The following RAI1 variants were observed in gnomAD, a reference collection of about 807,000 sequenced individuals.
The protein encoded by RAI1 is retinoic acid induced 1, also known as retinoic acid-induced protein 1.
A neutral mutation model predicts 123.8 loss-of-function variants in RAI1; 9 were observed. The observed-to-expected ratio is 0.07, with a 90% CI of 0.04 to 0.13. The LOEUF (loss-of-function observed/expected upper bound fraction) is 0.13, where lower values mean the gene tolerates loss of function less well. Among genes scored for constraint, RAI1 ranks in the 10% least tolerant of loss-of-function variants. The pLI, the probability that RAI1 is intolerant of heterozygous loss-of-function variation, is 1.00. For synonymous variants in RAI1, 1,231 were observed against 1,127.3 expected, an observed-to-expected ratio of 1.09 and a Z score of -1.84; for missense variants, 2,256 against 2,545.8, an observed-to-expected ratio of 0.89 and a Z score of 2.45.
At chr17:17,803,447 C>T (rs1232716871) in intron 3 of RAI1, among the ~76,000 whole-genome samples, 1 of 151,976 alleles carries the variant, frequency 6.6e-6, no homozygotes, top group Admixed American at 6.6e-5. Context: ...GGCTGGAGTA[C>T]AGGCAGTGGC....
intron 2 of RAI1, among the ~76,000 whole-genome samples, chr17:17,727,315 C>T (rs143450387): frequency 3.9e-4 from 59 of 152,360 alleles, no homozygotes; most frequent in African/African-American, 1.4e-3. Flanking sequence ...CCCAAGGTCA[C>T]ACAGCAGTTG....
At position 17,803,386 on chromosome 17, in the gene RAI1, T is replaced by TTTTG. The variant is rs142704630; in HGVS notation, c.5566-350_5566-347dup. ...AGCCTGTACAGGTTTTTTGTGTTTT[T>TTTTG]TTTGTTTGTTTGTTTGTTTGTTTTT... On this transcript the variant is annotated intron_variant, in intron 3 of 5. Coordinates refer to ENST00000353383, the MANE Select transcript of RAI1 (RefSeq NM_030665.4). Among the ~76,000 whole-genome samples the TTTTG allele has an allele frequency of 3.4e-4, 51 of 152,070 alleles. No homozygotes were observed. The East Asian group carries it at 5.8e-3, about 17-fold the overall frequency.
At chr17:17,802,406 C>A (rs2032492019) in intron 3 of RAI1, among the ~76,000 whole-genome samples, 1 of 152,224 alleles carries the variant, frequency 6.6e-6, no homozygotes, top group East Asian at 1.9e-4. Flanking sequence ...AATGCCTTCA[C>A]TGTTGCCTGG....
intron 2 of RAI1, among the ~76,000 whole-genome samples, chr17:17,751,228 C>G (rs941448): frequency 0.6 from 91,869 of 151,978 alleles, 28,834 homozygotes; most frequent in Non-Finnish European, 0.67. Context: ...AGGTAGCCCA[C>G]GCTTCCCGAG....
chr17:17,706,101 C>T (rs552058469), intron 1 of RAI1, among the ~76,000 whole-genome samples: 3 of 151,310 alleles, frequency 2.0e-5, no homozygotes, highest in Admixed American at 6.6e-5. Context: ...CCTGAGGTAG[C>T]GCACAGGCCA....
At position 17,797,071 on chromosome 17, in the gene RAI1, C is replaced by T. The variant is rs996060913; in HGVS notation, c.4123C>T (p.Pro1375Ser). 6.2e-7 allele frequency: 1 copy of T among 1,613,796 alleles called. No individual in the cohort carries two copies. The highest frequency in any genetic ancestry group is 8.5e-7 in the Non-Finnish European group (1 of 1,180,046). The part of the protein sequence containing the change: ...DRGLKGAGGS[P>S]VGVEEGLVNV... ...TGGGCTCAAGGGTGCTGGGGGCAGC[C>T]CAGTGGGGGTGGAAGAAGGCCTGGT... The change falls in exon 3 of 6, where the codon CCA (proline) becomes TCA (serine). Residue 1375 changes from proline to serine, a missense_variant. By Grantham distance (74) the Pro-to-Ser change is moderately conservative (BLOSUM62 -1). Around this residue, in one of 7 missense-constraint regions of RAI1, gnomAD observed 322 missense variants for 358.0 expected, o/e 0.90. Coordinates refer to ENST00000353383, the MANE Select transcript of RAI1 (RefSeq NM_030665.4).
At chr17:17,772,745 G>A (rs1006140233) in intron 2 of RAI1, among the ~76,000 whole-genome samples, 6 of 152,150 alleles carry the variant, frequency 3.9e-5, no homozygotes, top group South Asian at 2.1e-4. Context: ...CAGGTATGAC[G>A]TAGGGCCCTT....
chr17:17,794,790 G>A lies in RAI1; in HGVS notation c.1842G>A (p.Leu614=). Residue 614 remains leucine, a synonymous_variant, in exon 3 of 6, where the codon CTG becomes CTA. Coordinates refer to ENST00000353383, the MANE Select transcript of RAI1 (RefSeq NM_030665.4). ...ACCTGGCCTCCGAGATCCTGGGGCT[G>A]CAGGAAGCCATCGGTGAGAAGGCCG... ...QEDLASEILG[L]QEAIGEKADK... 3 of 1,613,106 alleles carry A rather than the reference G, an allele frequency of 1.9e-6. No individual in the cohort carries two copies. The highest frequency in any genetic ancestry group is 2.5e-6 in the Non-Finnish European group (3 of 1,179,998).
chr17:17,724,168 G>A lies in RAI1; in HGVS notation c.-17+9G>A, dbSNP rs541881677. 1 of 151,910 alleles carries A rather than the reference G, an allele frequency of 6.6e-6. No homozygotes were observed. Among genetic ancestry groups the A allele is most frequent in the East Asian group, 2.0e-4 (1 of 4,974 alleles). 9.4% of individuals were successfully genotyped at this position (151,910 alleles called of 1,614,324 possible). On this transcript the variant is annotated intron_variant, in intron 2 of 5. Coordinates refer to ENST00000353383, the MANE Select transcript of RAI1 (RefSeq NM_030665.4). ...CCAGGAGGAGCCCGCAGGTATTGTT[G>A]GCGGCGGAGCTTTGTGTTTTCGGCG... is the stretch of plus-strand genomic sequence containing the variant.
rs1219888655 is a variant in RAI1 at position 17,724,064 on chromosome 17, A to T, written c.-112A>T. 3.6e-5 allele frequency: 5 copies of T among 139,618 alleles called. No homozygotes were observed. Among genetic ancestry groups the T allele is most frequent in the Non-Finnish European group, 4.7e-5 (3 of 63,942 alleles). The allele number at this position is 139,618 out of a possible 1,614,324, so 8.6% of individuals were successfully genotyped here. A position where few individuals can be genotyped will look rare whatever the true frequency, so the allele number is the denominator to read the frequency against. The stretch of plus-strand genomic sequence containing the variant: ...GCCACCGCGTTCTGGAAGAGGCGAG[A>T]GGGAGAGCGTGCGCGAGAGGAGAGA... On this transcript the variant is annotated 5_prime_UTR_variant, in exon 2 of 6. Coordinates refer to ENST00000353383, the MANE Select transcript of RAI1 (RefSeq NM_030665.4).
At chr17:17,735,365 T>C (rs1916398982) in intron 2 of RAI1, among the ~76,000 whole-genome samples, 1 of 150,882 alleles carries the variant, frequency 6.6e-6, no homozygotes, top group African/African-American at 2.4e-5. Flanking sequence ...TTTTTTTTTT[T>C]TTTTTGAGAC....
At chr17:17,778,823 G>A in intron 2 of RAI1, 1 of 456,792 alleles carries the variant, frequency 2.2e-6, no homozygotes, top group Non-Finnish European at 4.4e-6. Flanking sequence ...TGTACAGCTG[G>A]AAGAGGCTCT....
chr17:17,802,820 A>G (rs1404729940), intron 3 of RAI1, among the ~76,000 whole-genome samples: 1 of 152,038 alleles, frequency 6.6e-6, no homozygotes, highest in Non-Finnish European at 1.5e-5. Flanking sequence ...GCTATGTCTT[A>G]CACCTGTAAT....
chr17:17,684,358 T>G (rs1009845513), intron 1 of RAI1: 4 of 149,068 alleles, frequency 2.7e-5, no homozygotes, highest in African/African-American at 9.9e-5. Context: ...TGTGTATTTG[T>G]TTTTTTTTTA....
intron 1 of RAI1, among the ~76,000 whole-genome samples, chr17:17,719,035 T>C (rs1233544328): frequency 6.6e-6 from 1 of 152,174 alleles, no homozygotes; most frequent in Non-Finnish European, 1.5e-5. Flanking sequence ...CCTGCCTTCA[T>C]AATAAATCCA....
At chr17:17,761,383 G>T (rs1010423475) in intron 2 of RAI1, among the ~76,000 whole-genome samples, 1 of 152,058 alleles carries the variant, frequency 6.6e-6, no homozygotes, top group East Asian at 1.9e-4. Context: ...ACCAGCCCAC[G>T]TCATTAGCTT....
intron 2 of RAI1, among the ~76,000 whole-genome samples, chr17:17,765,323 T>C (rs1358951166): frequency 6.6e-6 from 1 of 152,162 alleles, no homozygotes; most frequent in Non-Finnish European, 1.5e-5. Flanking sequence ...GAGACCGAGG[T>C]ACAGTCCAGG....
Position 17,752,170 on chromosome 17 carries a change from C to G in RAI1, c.-17+28011C>G, listed in dbSNP as rs1045019717. Among the ~76,000 whole-genome samples the G allele has an allele frequency of 1.3e-5, 2 of 152,192 alleles. 1 individual carries two copies. On this transcript the variant is annotated intron_variant, in intron 2 of 5. Transcript: ENST00000353383. ...CGCCCCGCAGGAGCCTCCCGCCCGG[C>G]ATACCCACGGGCCAGTGCCGGGACT... is the stretch of plus-strand genomic sequence containing the variant.
intron 2 of RAI1, among the ~76,000 whole-genome samples, chr17:17,784,368 C>G (rs974271865): frequency 6.6e-6 from 1 of 152,234 alleles, no homozygotes; most frequent in Non-Finnish European, 1.5e-5. Flanking sequence ...CACGACTCCT[C>G]TGGGAAGCTG....
Sources: gnomAD v4.1 joint callset for allele counts (sites outside exome capture counted in the v4.1 genomes callset) on GRCh38, gnomAD v4.1.1 for gene constraint, gnomAD v4.1.1 regional missense constraint, MANE v1.5 for transcripts, NCBI Gene and HGNC (gene_info 2026-07-23, HGNC 2026-07-21) for gene names.